FAM167A: variants seen among roughly 807,000 people sequenced by gnomAD.
The protein encoded by FAM167A is family with sequence similarity 167 member A, also known as protein FAM167A.
In FAM167A, 23 loss-of-function variants were observed where a neutral mutation model predicts 14.9. The observed-to-expected ratio is 1.55, with a 90% CI of 1.11 to 2.19. FAM167A has a LOEUF of 2.19. Among genes scored for constraint, FAM167A ranks in the 30% most tolerant of loss-of-function variants. The pLI is 0.00. For missense variants in FAM167A, 401 were observed against 281.5 expected (o/e 1.42, Z -3.04); for synonymous variants, 174 against 117.7 (o/e 1.48, Z -3.10).
At chr8:11,451,706 G>A (rs1205055076) in intron 1 of FAM167A, among the ~76,000 whole-genome samples, 2 of 152,206 alleles carry the variant, frequency 1.3e-5, no homozygotes, top group African/African-American at 4.8e-5. Context: ...TCTGAATTGG[G>A]TGCGTGTGAG....
At chr8:11,445,347 C>A (rs1001008432) in intron 1 of FAM167A, 2 of 986,116 alleles carry the variant, frequency 2.0e-6, no homozygotes. Flanking sequence ...CAGGTCCTGT[C>A]CTCCAGCAGC....
chr8:11,458,015 T>C (rs573307497), intron 1 of FAM167A, among the ~76,000 whole-genome samples: 2 of 152,328 alleles, frequency 1.3e-5, no homozygotes, highest in East Asian at 3.9e-4. Context: ...CTGATGACGC[T>C]GATGCGGTGA....
chr8:11,466,432 G>T (rs1013300958), intron 1 of FAM167A, among the ~76,000 whole-genome samples, 194 bp downstream of exon 1: 1 of 146,756 alleles, frequency 6.8e-6, no homozygotes, highest in African/African-American at 2.7e-5. Context: ...GCGAACCCGC[G>T]GGAGCGCATG....
At chr8:11,458,515 C>T (rs900780949) in intron 1 of FAM167A, among the ~76,000 whole-genome samples, 2 of 152,186 alleles carry the variant, frequency 1.3e-5, no homozygotes, top group African/African-American at 4.8e-5. Context: ...CTGCCCATCA[C>T]CCCTGCCCCA....
At chr8:11,453,906 A>G (rs1337320794) in intron 1 of FAM167A, among the ~76,000 whole-genome samples, 2 of 152,192 alleles carry the variant, frequency 1.3e-5, no homozygotes, top group Non-Finnish European at 2.9e-5. Context: ...GACCAGCCTA[A>G]GGCCCGGGGC....
At chr8:11,469,452 G>A (rs974603741), upstream of FAM167A, among the ~76,000 whole-genome samples, 1 of 151,190 alleles carries the variant, frequency 6.6e-6, no homozygotes, top group Non-Finnish European at 1.5e-5. Context: ...AGAAGGCAAG[G>A]CCACCTAGAG....
intron 1 of FAM167A, among the ~76,000 whole-genome samples, chr8:11,457,593 C>T (rs551289729): frequency 7.9e-5 from 12 of 152,182 alleles, no homozygotes; most frequent in Admixed American, 2.0e-4. Context: ...ACTGTGACCC[C>T]GGCACTCAGA....
upstream of FAM167A, among the ~76,000 whole-genome samples, chr8:11,467,166 G>T (rs141987629): frequency 9.1e-4 from 138 of 152,328 alleles, no homozygotes; most frequent in Middle Eastern, 6.8e-3. Flanking sequence ...ACGACTGCCC[G>T]CGAGCGCCTA....
rs998964937 is a variant in FAM167A at position 11,444,551 on chromosome 8, C to T, written c.-140G>A. On this transcript the variant is annotated 5_prime_UTR_variant, in exon 2 of 3. Coordinates refer to ENST00000284486, the MANE Select transcript of FAM167A (RefSeq NM_053279.3). ...GCATTTCCGGGACAGGAGCCGGCCT[C>T]AGAGGCTGGGTGGCAGGGGAGCTGA... 9.8e-5 allele frequency: 144 copies of T among 1,466,818 alleles called. No homozygotes were observed. Among genetic ancestry groups the T allele is most frequent in the Non-Finnish European group, 1.1e-4 (123 of 1,116,872 alleles). 90.9% of individuals were successfully genotyped at this position (1,466,818 alleles called of 1,614,324 possible). A position where few individuals can be genotyped will look rare whatever the true frequency, so the allele number is the denominator to read the frequency against.
At chr8:11,426,104 A>G (rs1340079178) in intron 2 of FAM167A, among the ~76,000 whole-genome samples, 1 of 152,198 alleles carries the variant, frequency 6.6e-6, no homozygotes, top group African/African-American at 2.4e-5. Context: ...CTTTGTCTTA[A>G]GCATTTCTTT....
intron 1 of FAM167A, among the ~76,000 whole-genome samples, chr8:11,474,980 T>C (rs1797822157): frequency 6.6e-6 from 1 of 152,166 alleles, no homozygotes; most frequent in East Asian, 1.9e-4. Context: ...GGTTGCACTC[T>C]GCCCAGCAGC....
intron 2 of FAM167A, among the ~76,000 whole-genome samples, chr8:11,425,397 T>A (rs1805065548): frequency 6.6e-6 from 1 of 152,178 alleles, no homozygotes; most frequent in Non-Finnish European, 1.5e-5. Flanking sequence ...ACAGCTGGAC[T>A]CCAGAACCAA....
In FAM167A at chr8:11,424,312, C is replaced by T. The variant is rs1585221322; in HGVS notation, c.*61G>A. On this transcript the variant is annotated 3_prime_UTR_variant, in exon 3 of 3. Coordinates refer to ENST00000284486, the MANE Select transcript of FAM167A (RefSeq NM_053279.3). ...ACTGGAGTAACTTGGCCTCAGCTTC[C>T]TCTGACACCCCTCCAGCCCAAGCCC... 5.0e-6 allele frequency: 8 copies of T among 1,598,110 alleles called. No individual in the cohort carries two copies. The East Asian group carries it at 1.8e-4, about 36-fold the overall frequency.
chr8:11,457,722 C>A (rs1364579205), intron 1 of FAM167A, among the ~76,000 whole-genome samples: 1 of 152,204 alleles, frequency 6.6e-6, no homozygotes, highest in African/African-American at 2.4e-5. Flanking sequence ...GTCTTTGGCC[C>A]TCACTGGCGA....
At chr8:11,445,067 C>G in intron 1 of FAM167A, 1 of 943,500 alleles carries the variant, frequency 1.1e-6, no homozygotes, top group Non-Finnish European at 1.3e-6. Context: ...TTTAATGCCC[C>G]CAGCAAGTCT....
intron 1 of FAM167A, chr8:11,446,728 C>T (rs542135981): frequency 5.9e-5 from 9 of 152,196 alleles, no homozygotes; most frequent in Non-Finnish European, 8.8e-5. Context: ...TCCGCAAATG[C>T]GAAATGTACT....
intron 1 of FAM167A, among the ~76,000 whole-genome samples, chr8:11,463,618 G>C (rs1807628979): frequency 6.6e-6 from 1 of 152,154 alleles, no homozygotes; most frequent in African/African-American, 2.4e-5. Flanking sequence ...GTCTGACCTG[G>C]GCCTGTCCCT....
chr8:11,456,149 G>C (rs1464865208), intron 1 of FAM167A, among the ~76,000 whole-genome samples: 1 of 59,846 alleles, frequency 1.7e-5, no homozygotes, highest in Non-Finnish European at 3.9e-5. Flanking sequence ...GTGTGTGTGT[G>C]AATGTGGGGG....
At chr8:11,453,060 T>C (rs1807089768) in intron 1 of FAM167A, among the ~76,000 whole-genome samples, 1 of 152,186 alleles carries the variant, frequency 6.6e-6, no homozygotes, top group South Asian at 2.1e-4. Flanking sequence ...CCTGGGGACT[T>C]GGACGCTGTC....
Sources: allele counts gnomAD v4.1 joint callset (sites outside exome capture counted in the v4.1 genomes callset), GRCh38; gene constraint gnomAD v4.1.1; transcripts MANE v1.5; gene names NCBI Gene and HGNC (gene_info 2026-07-23, HGNC 2026-07-21).